SCAP: variants seen among roughly 807,000 people sequenced by gnomAD.
The protein encoded by SCAP is SREBF chaperone.
Under a neutral mutation model 123.6 loss-of-function variants are expected in SCAP, and 65 were observed. That is an observed-to-expected ratio of 0.53 (90% confidence interval 0.43 to 0.65). SCAP has a LOEUF of 0.65. Among genes scored for constraint, SCAP ranks in the 30% least tolerant of loss-of-function variants. The pLI, the probability that SCAP is intolerant of heterozygous loss-of-function variation, is 0.00. For synonymous variants in SCAP, 740 were observed against 726.3 expected, an observed-to-expected ratio of 1.02 and a Z score of -0.30; for missense variants, 1,398 against 1,712.5, an observed-to-expected ratio of 0.82 and a Z score of 3.24.
intron 7 of SCAP, 140 bp from the exon 8 acceptor site, chr3:47,425,751 T>C (rs1190497078): frequency 7.1e-6 from 7 of 981,842 alleles, no homozygotes; most frequent in Non-Finnish European, 1.1e-5. Context: ...GCACAAGCAC[T>C]TCCCAGTGTC....
At chr3:47,464,789 CTT>C (rs1707766040) in intron 1 of SCAP, among the ~76,000 whole-genome samples, 1 of 152,144 alleles carries the variant, frequency 6.6e-6, no homozygotes, top group Non-Finnish European at 1.5e-5. Context: ...CTCATTTACC[CTT>C]TCTCTCCAGG....
In SCAP at chr3:47,415,158, C is replaced by T. The variant is rs780072470; in HGVS notation, c.3079G>A (p.Gly1027Ser). 80 of 1,612,026 alleles carry T rather than the reference C, an allele frequency of 5.0e-5. No homozygotes were observed. Among genetic ancestry groups the T allele is most frequent in the East Asian group, 2.5e-4 (11 of 44,860 alleles). Residue 1027 changes from glycine to serine, a missense_variant, in exon 19 of 23, where the codon GGT becomes AGT. By Grantham distance (56) the Gly-to-Ser change is moderately conservative (BLOSUM62 0). This residue lies in a region of SCAP where 828 missense variants were observed against 882.5 expected (regional missense o/e 0.94). Coordinates refer to ENST00000265565, the MANE Select transcript of SCAP (RefSeq NM_012235.4). Reference sequence around the variant, plus strand: ...TCCAAGGAGAAGAAATCAAGGGAACCGTTGAGCCGTGCAGCCACAATCCTG... The same window carrying T: ...TCCAAGGAGAAGAAATCAAGGGAACTGTTGAGCCGTGCAGCCACAATCCTG... ...DKRIVAARLNGSLDFFSLETH... is the reference protein window; with the variant it reads ...DKRIVAARLNSSLDFFSLETH...
rs1228379658 is a variant in SCAP at position 47,439,063 on chromosome 3, T to C, written c.122+3809A>G. Among the ~76,000 whole-genome samples, 2 of 152,122 alleles carry C rather than the reference T, an allele frequency of 1.3e-5. No individual in the cohort carries two copies. The highest frequency in any genetic ancestry group is 6.6e-5 in the Admixed American group (1 of 15,258). On this transcript the variant is annotated intron_variant, in intron 2 of 22. Coordinates refer to ENST00000265565, the MANE Select transcript of SCAP (RefSeq NM_012235.4). The surrounding 1 kb of genome is among the most constrained non-coding windows in gnomAD (Gnocchi z 4.0). ...TGTACAGATACATCTTGACTTACGA[T>C]GGGGTTATGTCCTGATAACGCTGTC...
chr3:47,447,209 G>A (rs912942697), intron 1 of SCAP, among the ~76,000 whole-genome samples: 1 of 151,948 alleles, frequency 6.6e-6, no homozygotes, highest in Non-Finnish European at 1.5e-5. Context: ...TGTGAGACCT[G>A]GCTAACACAG....
At chr3:47,460,677 C>T (rs955235514) in intron 1 of SCAP, among the ~76,000 whole-genome samples, 7 of 152,132 alleles carry the variant, frequency 4.6e-5, no homozygotes, top group Non-Finnish European at 8.8e-5. Context: ...CCTGCCTCAG[C>T]CTCCCAAGTA....
chr3:47,448,229 C>A (rs1707125884), intron 1 of SCAP, among the ~76,000 whole-genome samples: 1 of 152,050 alleles, frequency 6.6e-6, no homozygotes, highest in Non-Finnish European at 1.5e-5. Flanking sequence ...TACCATTTCA[C>A]TTTTTAGCAA....
In SCAP at chr3:47,420,790, G is replaced by A; in HGVS notation, c.1345-18C>T. ...TCTGCTAGCTGTTGGGGGCACAGTG[G>A]TCAGGGCCTGAGTCCACCATCCAGA... is the stretch of plus-strand genomic sequence containing the variant. On this transcript the variant is annotated intron_variant, in intron 11 of 22. Coordinates refer to ENST00000265565, the MANE Select transcript of SCAP (RefSeq NM_012235.4). The surrounding 1 kb of genome is among the most constrained non-coding windows in gnomAD (Gnocchi z 5.0). 6.2e-7 allele frequency: 1 copy of A among 1,608,454 alleles called. No individual in the cohort carries two copies. Among genetic ancestry groups the A allele is most frequent in the Non-Finnish European group, 8.5e-7 (1 of 1,177,748 alleles).
Position 47,418,226 on chromosome 3 carries a change from G to A in SCAP, c.2355C>T (p.Asp785=), listed in dbSNP as rs758618019. 4.9e-5 allele frequency: 77 copies of A among 1,569,624 alleles called. No individual in the cohort carries two copies. Among genetic ancestry groups the A allele is most frequent in the Middle Eastern group, 1.7e-4 (1 of 6,032 alleles). The change falls in exon 16 of 23, where the codon GAC becomes GAT. Residue 785 remains aspartate (D), a synonymous_variant. Coordinates refer to ENST00000265565, the MANE Select transcript of SCAP (RefSeq NM_012235.4). The stretch of plus-strand genomic sequence containing the variant: ...GGCAGCAGCTCACCAGCAGCATGCC[G>A]TCGCTGGCCAGGCACTCGATGTCCT... ...HLMDIECLAS[D]GMLLVSCCLA...
At chr3:47,423,041 T>C (rs1278153726) in intron 9 of SCAP, among the ~76,000 whole-genome samples, 1 of 152,252 alleles carries the variant, frequency 6.6e-6, no homozygotes, top group Non-Finnish European at 1.5e-5. Context: ...TAAGGCTCTG[T>C]GCTCTTACTG....
chr3:47,454,329 C>G (rs1192630724), intron 1 of SCAP, among the ~76,000 whole-genome samples: 3 of 151,636 alleles, frequency 2.0e-5, no homozygotes, highest in Admixed American at 2.0e-4. Flanking sequence ...GATCACGCCA[C>G]TGCACTCCCA....
At chr3:47,434,200 G>C (rs1004968353) in intron 3 of SCAP, among the ~76,000 whole-genome samples, 1 of 152,214 alleles carries the variant, frequency 6.6e-6, no homozygotes, top group Non-Finnish European at 1.5e-5. Flanking sequence ...AATATGCTAT[G>C]ACTGTCAGAG....
intron 10 of SCAP, 140 bp from the exon 11 acceptor site, chr3:47,421,169 T>C (rs531195340): frequency 1.1e-5 from 8 of 700,190 alleles, no homozygotes; most frequent in Middle Eastern, 2.4e-4. Flanking sequence ...GAGATGCTGG[T>C]TGGTCCTCAG....
chr3:47,451,316 C>T lies in SCAP; in HGVS notation c.-98-8225G>A, dbSNP rs887699123. Among the ~76,000 whole-genome samples the T allele has an allele frequency of 3.3e-5, 4 of 122,798 alleles. 1 individual carries two copies. Among genetic ancestry groups the T allele is most frequent in the Non-Finnish European group, 5.4e-5 (3 of 55,952 alleles). 80.6% of individuals were successfully genotyped at this position (122,798 alleles called of 152,430 possible). ...ACCCCAAAGGTCCCCTTTATGAGCC[C>T]CAATGCTGACTATTTTTCAATTATA... On this transcript the variant is annotated intron_variant, in intron 1 of 22. Coordinates refer to ENST00000265565, the MANE Select transcript of SCAP (RefSeq NM_012235.4).
intron 1 of SCAP, among the ~76,000 whole-genome samples, chr3:47,473,099 A>AAAAAAAAAAAC (rs1559576281): frequency 2.0e-5 from 3 of 148,112 alleles, no homozygotes; most frequent in African/African-American, 7.5e-5. Context: ...AAAAAAAAAA[A>AAAAAAAAAAAC]CAGACTGTGG....
intron 6 of SCAP, 78 bp from the exon 7 acceptor site, chr3:47,426,247 G>T (rs1706124652): frequency 1.4e-6 from 2 of 1,434,044 alleles, no homozygotes; most frequent in African/African-American, 1.4e-5. Context: ...CGGACAGAGG[G>T]TCCATCAGGA....
intron 3 of SCAP, 159 bp from the exon 4 acceptor site, chr3:47,428,829 A>G (rs1430465666): frequency 5.5e-6 from 4 of 722,520 alleles, no homozygotes; most frequent in Non-Finnish European, 8.7e-6. Flanking sequence ...ATGGCAGATA[A>G]GAAAAGAAAC....
intron 3 of SCAP, among the ~76,000 whole-genome samples, chr3:47,434,186 T>C (rs1174093000): frequency 6.6e-6 from 1 of 152,098 alleles, no homozygotes; most frequent in Non-Finnish European, 1.5e-5. Context: ...AAAAAGGAAA[T>C]GGGAATATGC....
At chr3:47,424,311 G>T (rs550874334) in intron 8 of SCAP, among the ~76,000 whole-genome samples, 1 of 152,364 alleles carries the variant, frequency 6.6e-6, no homozygotes, top group South Asian at 2.1e-4. Flanking sequence ...GGCTGGAAGA[G>T]GCCCCTCAGG....
intron 8 of SCAP, chr3:47,425,280 T>C: frequency 1.7e-6 from 1 of 592,706 alleles, no homozygotes. Flanking sequence ...GGACACTCAC[T>C]ATAGCTAGAT....
Sources: gnomAD v4.1 joint callset for allele counts (sites outside exome capture counted in the v4.1 genomes callset) on GRCh38, gnomAD v4.1.1 for gene constraint, gnomAD v4.1.1 regional missense constraint, Gnocchi (gnomAD v3.1) non-coding constraint, MANE v1.5 for transcripts, NCBI Gene and HGNC (gene_info 2026-07-23, HGNC 2026-07-21) for gene names.